Variants in CSMD3 observed in about 807,000 individuals in gnomAD.
The protein encoded by CSMD3 is CUB and Sushi multiple domains 3, also known as CUB and sushi domain-containing protein 3.
Under a neutral mutation model 435.2 loss-of-function variants are expected in CSMD3, and 177 were observed. That is an observed-to-expected ratio of 0.41 (90% CI 0.36 to 0.46). The LOEUF (loss-of-function observed/expected upper bound fraction) is 0.46, where lower values mean the gene tolerates loss of function less well. CSMD3 is among the 20% of genes least tolerant of loss of function. The pLI is 0.34. For synonymous variants in CSMD3, 1,656 were observed against 1,520.5 expected, an observed-to-expected ratio of 1.09 and a Z score of -2.07; for missense variants, 4,265 against 4,504.6, an observed-to-expected ratio of 0.95 and a Z score of 1.52.
intron 61 of CSMD3, 122 bp from the exon 62 acceptor site, chr8:112,255,549 G>A: frequency 1.2e-6 from 1 of 851,646 alleles, no homozygotes; most frequent in East Asian, 2.6e-5. Flanking sequence ...TCATGATAAA[G>A]CTATCCCAAT....
chr8:112,716,705 A>G (rs368283391), intron 13 of CSMD3, among the ~76,000 whole-genome samples: 53 of 152,358 alleles, frequency 3.5e-4, no homozygotes, highest in African/African-American at 1.2e-3. Context: ...CCAAAACAGC[A>G]TAGTACAGGT....
chr8:113,322,280 C>T (rs1203008480), intron 1 of CSMD3, among the ~76,000 whole-genome samples: 1 of 152,058 alleles, frequency 6.6e-6, no homozygotes, highest in Non-Finnish European at 1.5e-5. Context: ...TGAAATTATC[C>T]TATCTTCTCA....
intron 5 of CSMD3, among the ~76,000 whole-genome samples, chr8:113,079,828 A>G (rs188435205): frequency 6.6e-6 from 1 of 152,348 alleles, no homozygotes; most frequent in East Asian, 1.9e-4. Flanking sequence ...TACTTGAAAT[A>G]AGACATTCCT....
In CSMD3 at chr8:112,311,136, G is replaced by A. The variant is rs146267051; in HGVS notation, c.7727C>T (p.Pro2576Leu). Residue 2576 changes from proline to leucine, a missense_variant, in exon 50 of 71, where the codon CCT becomes CTT. Pro to Leu is a moderately conservative substitution (Grantham distance 98). Coordinates refer to ENST00000297405, the MANE Select transcript of CSMD3 (RefSeq NM_198123.2). ...AFYCSTPESP[P>L]HGYIISQTGG... ...TGTCTGACTGATAATATATCCATGA[G>A]GTGGGGATTCTGGTGTACTACAGTA... 3.7e-6 allele frequency: 6 copies of A among 1,613,790 alleles called. No individual in the cohort carries two copies. The African/African-American group carries it at 6.7e-5, about 18-fold the overall frequency.
intron 22 of CSMD3, among the ~76,000 whole-genome samples, chr8:112,608,960 A>G (rs1386103113): frequency 3.9e-5 from 6 of 151,920 alleles, no homozygotes; most frequent in Non-Finnish European, 4.4e-5. Context: ...GATAAAACAC[A>G]AAAATGCAAA....
rs1156694474 is a variant in CSMD3 at position 112,229,708 on chromosome 8, C to T, written c.10829-817G>A. On this transcript the variant is annotated intron_variant, in intron 69 of 70. Coordinates refer to ENST00000297405, the MANE Select transcript of CSMD3 (RefSeq NM_198123.2). ...CTTCCCAAAATGCTGGGATTACAGG[C>T]ATGAGTGATGGCACCCAGCCAGAGT... 3.3e-5 allele frequency among the ~76,000 whole-genome samples: 5 copies of T among 152,040 alleles called. 1 individual carries two copies. Among genetic ancestry groups the T allele is most frequent in the African/African-American group, 2.4e-5 (1 of 41,418 alleles).
chr8:113,417,891 A>C (rs2129899949), intron 1 of CSMD3, among the ~76,000 whole-genome samples: 1 of 152,208 alleles, frequency 6.6e-6, no homozygotes, highest in Non-Finnish European at 1.5e-5. Flanking sequence ...TTATAAGAAA[A>C]GATTACAGGA....
intron 32 of CSMD3, among the ~76,000 whole-genome samples, chr8:112,467,526 G>A (rs990773755): frequency 2.0e-5 from 3 of 151,396 alleles, no homozygotes; most frequent in South Asian, 2.1e-4. Context: ...ATAAAATTAT[G>A]TATATATATA....
In CSMD3 at chr8:113,436,861, C is replaced by T. The variant is rs761544729; in HGVS notation, c.-7G>A. The T allele has an allele frequency of 5.0e-6, 8 of 1,613,770 alleles. No individual in the cohort carries two copies. The East Asian group carries it at 1.6e-4, about 31-fold the overall frequency. On this transcript the variant is annotated 5_prime_UTR_variant, in exon 1 of 71. Transcript: ENST00000297405. ...CTTTGCGGATCCCTTTCATATTATT[C>T]GCGAGCTCCTAATTCCTGCTCCTCA...
At chr8:112,347,831 C>A (rs1825802798) in intron 40 of CSMD3, among the ~76,000 whole-genome samples, 1 of 152,136 alleles carries the variant, frequency 6.6e-6, no homozygotes, top group East Asian at 1.9e-4. Context: ...AAGTTTATGG[C>A]AATACATTTG....
chr8:113,279,898 GT>G (rs1207818604), intron 2 of CSMD3, among the ~76,000 whole-genome samples: 2 of 151,628 alleles, frequency 1.3e-5, no homozygotes, highest in South Asian at 4.2e-4. Context: ...AGATGTCAAT[GT>G]TTTTTCTGCA....
intron 2 of CSMD3, among the ~76,000 whole-genome samples, chr8:113,291,731 A>G (rs544061944): frequency 4.6e-5 from 7 of 152,040 alleles, no homozygotes; most frequent in African/African-American, 1.7e-4. Flanking sequence ...TTGACTGTAC[A>G]CAAAGTTATA....
chr8:113,121,194 C>G (rs548894725), intron 4 of CSMD3, among the ~76,000 whole-genome samples: 1 of 152,148 alleles, frequency 6.6e-6, no homozygotes, highest in East Asian at 1.9e-4. Flanking sequence ...GCTGCTCAAT[C>G]CCCAAAGGAA....
intron 1 of CSMD3, among the ~76,000 whole-genome samples, chr8:113,432,924 C>T (rs1220368779): frequency 2.0e-5 from 3 of 152,178 alleles, no homozygotes; most frequent in Non-Finnish European, 2.9e-5. Flanking sequence ...CATGTGTCCT[C>T]CTCCCAGCAG....
intron 5 of CSMD3, among the ~76,000 whole-genome samples, chr8:113,080,064 G>A (rs1477151832): frequency 1.3e-5 from 2 of 152,080 alleles, no homozygotes; most frequent in Non-Finnish European, 2.9e-5. Context: ...CTTAGGGGAA[G>A]GACAGAGGAT....
At chr8:113,112,175 C>A (rs1564328285) in intron 4 of CSMD3, among the ~76,000 whole-genome samples, 2 of 151,644 alleles carry the variant, frequency 1.3e-5, no homozygotes, top group South Asian at 4.2e-4. Context: ...CAAGTTATTG[C>A]ATATTTCAAT....
intron 12 of CSMD3, among the ~76,000 whole-genome samples, chr8:112,809,349 TG>T (rs2079166478): frequency 6.6e-6 from 1 of 152,120 alleles, no homozygotes. Context: ...ATGATCCACA[TG>T]GCTAGCAAAG....
chr8:112,332,641 C>A (rs1018654008), intron 45 of CSMD3, among the ~76,000 whole-genome samples: 14 of 152,294 alleles, frequency 9.2e-5, no homozygotes, highest in Admixed American at 5.9e-4. Flanking sequence ...TGCTCCCAAA[C>A]TTCAAGTTTA....
intron 32 of CSMD3, among the ~76,000 whole-genome samples, chr8:112,431,238 T>C (rs1586300738): frequency 6.6e-6 from 1 of 152,140 alleles, no homozygotes; most frequent in South Asian, 2.1e-4. Flanking sequence ...CAGATTCTAC[T>C]ACTAAATATA....
Sources: allele counts gnomAD v4.1 joint callset (sites outside exome capture counted in the v4.1 genomes callset), GRCh38; gene constraint gnomAD v4.1.1; transcripts MANE v1.5; gene names NCBI Gene and HGNC (gene_info 2026-07-23, HGNC 2026-07-21).